CYP2J2: variants seen among roughly 807,000 people sequenced by gnomAD.
CYP2J2 encodes cytochrome P450 2J2.
CYP2J2 carries 41 observed loss-of-function variants against 48.8 expected under a neutral mutation model. The observed-to-expected ratio is 0.84, with a 90% CI of 0.66 to 1.09. The LOEUF (loss-of-function observed/expected upper bound fraction) is 1.09, where lower values mean the gene tolerates loss of function less well. Ranked by LOEUF, CYP2J2 falls within the 50% of genes least tolerant of loss-of-function variation. The pLI is 0.00. For missense variants in CYP2J2, 644 were observed against 617.3 expected (o/e 1.04, Z -0.46); for synonymous variants, 221 against 227.1 (o/e 0.97, Z 0.24).
chr1:59,910,207 G>A (rs1644400021), intron 4 of CYP2J2, among the ~76,000 whole-genome samples: 3 of 152,100 alleles, frequency 2.0e-5, no homozygotes, highest in Admixed American at 2.0e-4. Flanking sequence ...ATACTTATGA[G>A]ACATCTGGGG....
Position 59,898,465 on chromosome 1 carries a change from C to T in CYP2J2, c.1330+2500G>A, listed in dbSNP as rs540054902. On this transcript the variant is annotated intron_variant, in intron 8 of 8. Coordinates refer to ENST00000371204, the MANE Select transcript of CYP2J2 (RefSeq NM_000775.4). ...CCAAGATCAGAGATATCCAGGGGGC[C>T]GAGCCAAGATGGGCACAGCCACATA... is the stretch of plus-strand genomic sequence containing the variant. Among the ~76,000 whole-genome samples the T allele has an allele frequency of 2.4e-4, 36 of 152,202 alleles. 1 individual carries two copies. In the South Asian group the frequency reaches 7.3e-3, roughly 31 times the overall value.
chr1:59,959,346 T>C, the CYP2J2 span, among the ~76,000 whole-genome samples: 1 of 152,084 alleles, frequency 6.6e-6, no homozygotes, highest in Non-Finnish European at 1.5e-5. Context: ...TGGAAAACAG[T>C]GTGTAGATTC....
chr1:59,919,576 A>T (rs1432817625), intron 1 of CYP2J2, among the ~76,000 whole-genome samples: 2 of 152,170 alleles, frequency 1.3e-5, no homozygotes, highest in Admixed American at 6.5e-5. Context: ...TTTTTTATCC[A>T]ATAAAGAAAA....
intron 1 of CYP2J2, among the ~76,000 whole-genome samples, chr1:59,918,211 T>A (rs78007852): frequency 0.017 from 2,546 of 152,276 alleles, 80 homozygotes; most frequent in African/African-American, 0.059. Context: ...CCTTGCTGAA[T>A]TCCTGGATGA....
chr1:59,938,321 G>C, the CYP2J2 span, among the ~76,000 whole-genome samples: 4 of 152,176 alleles, frequency 2.6e-5, no homozygotes, highest in African/African-American at 4.8e-5. Flanking sequence ...CGGTCTCTGA[G>C]TTCCCTCAGT....
At chr1:59,954,483 AC>A in the CYP2J2 span, among the ~76,000 whole-genome samples, 1 of 151,958 alleles carries the variant, frequency 6.6e-6, no homozygotes, top group Non-Finnish European at 1.5e-5. Context: ...GAACAAAGGA[AC>A]CTATTTTATT....
chr1:59,950,052 C>T, the CYP2J2 span, among the ~76,000 whole-genome samples: 2 of 152,148 alleles, frequency 1.3e-5, no homozygotes, highest in Non-Finnish European at 2.9e-5. Flanking sequence ...GGTCAAGACT[C>T]TCTAACAACT....
the CYP2J2 span, among the ~76,000 whole-genome samples, chr1:59,935,023 T>TAC: frequency 4.0e-5 from 3 of 75,320 alleles, 1 homozygote; most frequent in Non-Finnish European, 8.5e-5. Context: ...TACATATATA[T>TAC]ATATATATAT....
At chr1:59,928,815 G>A (rs981846650), upstream of CYP2J2, among the ~76,000 whole-genome samples, 2 of 152,210 alleles carry the variant, frequency 1.3e-5, no homozygotes, top group Non-Finnish European at 1.5e-5. Flanking sequence ...ATTAATAGGA[G>A]GCTGGTAATT....
At chr1:59,909,246 G>A (rs11572275) in intron 5 of CYP2J2, among the ~76,000 whole-genome samples, 224 of 152,196 alleles carry the variant, frequency 1.5e-3, no homozygotes, top group African/African-American at 5.1e-3. Flanking sequence ...GTAATGACCC[G>A]CAAAGATATC....
chr1:59,947,201 A>T, the CYP2J2 span, among the ~76,000 whole-genome samples: 2 of 152,174 alleles, frequency 1.3e-5, no homozygotes, highest in Non-Finnish European at 2.9e-5. Flanking sequence ...AGGCTACACA[A>T]TGTGCTACAT....
At chr1:59,930,125 TAAAAG>T (rs1644596096), upstream of CYP2J2, among the ~76,000 whole-genome samples, 2 of 152,182 alleles carry the variant, frequency 1.3e-5, no homozygotes, top group African/African-American at 4.8e-5. Context: ...TTCTAAGTGC[TAAAAG>T]AAAAGAAAAA....
chr1:59,941,021 T>C, the CYP2J2 span, among the ~76,000 whole-genome samples: 1 of 152,020 alleles, frequency 6.6e-6, no homozygotes. Flanking sequence ...GAAAGAGAGG[T>C]AGCTTAATGG....
the CYP2J2 span, among the ~76,000 whole-genome samples, chr1:59,954,441 C>G: frequency 6.6e-6 from 1 of 152,066 alleles, no homozygotes. Flanking sequence ...GAGAAAACAG[C>G]AGATGACAAG....
At position 59,912,309 on chromosome 1, in the gene CYP2J2, A is replaced by G. The variant is rs759033332; in HGVS notation, c.376T>C (p.Leu126=). ...CATGCCTGGCCACTTGACATAATCA[A>G]TCCTGGGAAAAAGAAAGTCAACATT... ...MREHIFKKNG[L]IMSSGQAWKE... The change falls in exon 3 of 9, where the codon TTG becomes CTG. Residue 126 remains leucine, a splice_region_variant and synonymous_variant. Transcript: ENST00000371204. The G allele has an allele frequency of 6.2e-7, 1 of 1,610,472 alleles. No homozygotes were observed. Among genetic ancestry groups the G allele is most frequent in the Admixed American group, 1.7e-5 (1 of 59,224 alleles).
At chr1:59,925,156 A>G (rs1290628696) in intron 1 of CYP2J2, among the ~76,000 whole-genome samples, 1 of 152,184 alleles carries the variant, frequency 6.6e-6, no homozygotes, top group Non-Finnish European at 1.5e-5. Context: ...TGAAGGAAAA[A>G]CTACTAGAAC....
chr1:59,924,256 A>C (rs1295740715), intron 1 of CYP2J2, among the ~76,000 whole-genome samples: 3 of 152,196 alleles, frequency 2.0e-5, no homozygotes, highest in Non-Finnish European at 4.4e-5. Flanking sequence ...AGATGAAGGA[A>C]AGCTAAGAGA....
At chr1:59,924,456 T>G (rs188977561) in intron 1 of CYP2J2, among the ~76,000 whole-genome samples, 3 of 152,156 alleles carry the variant, frequency 2.0e-5, no homozygotes, top group African/African-American at 4.8e-5. Context: ...AGCAAAATTA[T>G]AATATTATCT....
the CYP2J2 span, among the ~76,000 whole-genome samples, chr1:59,953,457 G>A: frequency 6.6e-6 from 1 of 152,070 alleles, no homozygotes; most frequent in East Asian, 1.9e-4. Context: ...AGTGATAATT[G>A]GTATGAAGGC....
Sources: gnomAD v4.1 joint callset for allele counts (sites outside exome capture counted in the v4.1 genomes callset) on GRCh38, gnomAD v4.1.1 for gene constraint, MANE v1.5 for transcripts, NCBI Gene and HGNC (gene_info 2026-07-23, HGNC 2026-07-21) for gene names.